Variants in CSRNP2 observed in about 807,000 individuals in gnomAD.
The protein encoded by CSRNP2 is cysteine/serine-rich nuclear protein 2.
CSRNP2 carries 11 observed loss-of-function variants against 36.6 expected under a neutral mutation model. The ratio of observed to expected loss-of-function variants is 0.30; its 90% CI spans 0.19 to 0.50. The LOEUF (loss-of-function observed/expected upper bound fraction) is 0.50. CSRNP2 is among the 20% of genes least tolerant of loss of function. CSRNP2 has a pLI of 0.98. For synonymous variants in CSRNP2, 248 were observed against 275.3 expected (o/e 0.90, Z 0.98); for missense variants, 483 against 691.4 (o/e 0.70, Z 3.38).
intron 1 of CSRNP2, among the ~76,000 whole-genome samples, chr12:51,080,142 AGGC>A (rs58627965): frequency 3.6e-4 from 1 of 2,776 alleles, no homozygotes; most frequent in Non-Finnish European, 4.5e-3. Context: ...GCAGGCAGGC[AGGC>A]AGGCAGGCAG....
intron 1 of CSRNP2, among the ~76,000 whole-genome samples, chr12:51,080,072 C>CAA (rs1173559322): frequency 0.46 from 25,369 of 55,002 alleles, 11,045 homozygotes; most frequent in Non-Finnish European, 0.58. Flanking sequence ...GACTCTGTCT[C>CAA]AAAAAAAAAA....
rs1184446843 is a variant in CSRNP2 at position 51,076,466 on chromosome 12, A to C, written c.96T>G (p.Ser32Arg). ...GGCTGTCGCAGCTGTCAGCACTATC[A>C]CTGCTGGAGATCTCATCATCTGAGT... ...VSNSDDEISS[S>R]DSADSCDSLN... Residue 32 changes from serine to arginine, a missense_variant, in exon 2 of 5, where the codon AGT becomes AGG. Ser to Arg is a moderately radical substitution (Grantham distance 110). Transcript: ENST00000228515. 12 of 1,613,872 alleles carry C rather than the reference A, an allele frequency of 7.4e-6. No homozygotes were observed. The highest frequency in any genetic ancestry group is 1.0e-5 in the Non-Finnish European group (12 of 1,179,986).
At position 51,083,519 on chromosome 12, in the gene CSRNP2, G is replaced by C. The variant is rs1374666610; in HGVS notation, c.-267C>G. The C allele has an allele frequency of 6.6e-6, 1 of 152,308 alleles. No homozygotes were observed. Among genetic ancestry groups the C allele is most frequent in the African/African-American group, 2.4e-5 (1 of 41,474 alleles). 9.4% of individuals were successfully genotyped at this position (152,308 alleles called of 1,614,324 possible). On this transcript the variant is annotated 5_prime_UTR_variant, in exon 1 of 5. Coordinates refer to ENST00000228515, the MANE Select transcript of CSRNP2 (RefSeq NM_030809.3). ...CGGTGGGCAGCCCAGCCGGCAGGCA[G>C]AGAGGGCCGGGCGTCTCCGGCAACT...
chr12:51,068,952 G>GA (rs1306373616), intron 3 of CSRNP2, among the ~76,000 whole-genome samples: 1 of 152,088 alleles, frequency 6.6e-6, no homozygotes. Context: ...CCTTGGCCGA[G>GA]AAAAAATGTA....
At position 51,064,581 on chromosome 12, in the gene CSRNP2, C is replaced by T; in HGVS notation, c.797G>A (p.Arg266Gln). Reference protein sequence around the residue: ...GRIEFNPIRVRTHYLHTIMKL... With the variant: ...GRIEFNPIRVQTHYLHTIMKL... The stretch of plus-strand genomic sequence containing the variant: ...CATAATGGTGTGGAGGTAATGAGTC[C>T]GGACCCGGATTGGATTAAATTCAAT... The change falls in exon 5 of 5, where the codon CGG becomes CAG. Residue 266 changes from arginine (R) to glutamine (Q), a missense_variant. Arg to Gln is a conservative substitution (Grantham distance 43, BLOSUM62 1). This residue lies in a region of CSRNP2 where 206 missense variants were observed against 367.8 expected (regional missense o/e 0.56). Transcript: ENST00000228515. The T allele has an allele frequency of 1.2e-6, 2 of 1,604,988 alleles. No homozygotes were observed. Among genetic ancestry groups the T allele is most frequent in the South Asian group, 1.1e-5 (1 of 90,278 alleles).
At chr12:51,066,269 A>G (rs577663541) in intron 4 of CSRNP2, among the ~76,000 whole-genome samples, 31 of 152,156 alleles carry the variant, frequency 2.0e-4, no homozygotes, top group Admixed American at 2.6e-4. Context: ...CCTGGCCTAC[A>G]TGGTGAAACG....
At chr12:51,076,195 C>T (rs1939391756) in intron 2 of CSRNP2, among the ~76,000 whole-genome samples, 1 of 152,152 alleles carries the variant, frequency 6.6e-6, no homozygotes, top group Non-Finnish European at 1.5e-5. Context: ...TCTAATTTAA[C>T]CCATTCTGGG....
At chr12:51,076,839 C>A in intron 1 of CSRNP2, 192 bp from the exon 2 acceptor site, 1 of 379,462 alleles carries the variant, frequency 2.6e-6, no homozygotes. Flanking sequence ...TATTCTCAAT[C>A]ACTCTTAGAA....
In CSRNP2 at chr12:51,064,063, C is replaced by A. The variant is rs555092432; in HGVS notation, c.1315G>T (p.Gly439Cys). Residue 439 changes from glycine to cysteine, a missense_variant, in exon 5 of 5, where the codon GGC becomes TGC. Physicochemically the swap from Gly to Cys is radical, Grantham distance 159. Around this residue, in one of 2 missense-constraint regions of CSRNP2, gnomAD observed 277 missense variants for 323.6 expected, o/e 0.86. Coordinates refer to ENST00000228515, the MANE Select transcript of CSRNP2 (RefSeq NM_030809.3). The part of the protein sequence containing the change: ...GVKGEPGTEE[G>C]SASFPKEKDL... The stretch of plus-strand genomic sequence containing the variant: ...TTCTCCTTTGGGAAAGAGGCTGAGC[C>A]TTCTTCCGTACCAGGCTCTCCTTTC... 2 of 1,614,208 alleles carry A rather than the reference C, an allele frequency of 1.2e-6. No homozygotes were observed. The highest frequency in any genetic ancestry group is 1.7e-5 in the Admixed American group (1 of 60,026).
At chr12:51,079,654 T>TC (rs1287019099) in intron 1 of CSRNP2, among the ~76,000 whole-genome samples, 2 of 149,282 alleles carry the variant, frequency 1.3e-5, no homozygotes, top group Non-Finnish European at 3.0e-5. Flanking sequence ...ATGCCTGTAA[T>TC]CCAGCTACTC....
Position 51,063,033 on chromosome 12 carries a change from AGGAT to A in CSRNP2, c.*709_*712del, listed in dbSNP as rs1403928935. 6.6e-6 allele frequency: 1 copy of A among 152,224 alleles called. No individual in the cohort carries two copies. The highest frequency in any genetic ancestry group is 6.5e-5 in the Admixed American group (1 of 15,280). 9.4% of individuals were successfully genotyped at this position (152,224 alleles called of 1,614,324 possible). On this transcript the variant is annotated 3_prime_UTR_variant, in exon 5 of 5. Transcript: ENST00000228515. ...ATCCAGCTCTTTCTCCGAAGGAAAA[AGGAT>A]GGAGAGAAAAAAGACACATAGACAA...
In CSRNP2 at chr12:51,064,072, T is replaced by C. The variant is rs1166407277; in HGVS notation, c.1306A>G (p.Thr436Ala). 1 of 1,614,070 alleles carries C rather than the reference T, an allele frequency of 6.2e-7. No individual in the cohort carries two copies. Among genetic ancestry groups the C allele is most frequent in the Non-Finnish European group, 8.5e-7 (1 of 1,180,004 alleles). Residue 436 changes from threonine (T) to alanine (A), a missense_variant, in exon 5 of 5, where the codon ACG becomes GCG. Around this residue, in one of 2 missense-constraint regions of CSRNP2, gnomAD observed 277 missense variants for 323.6 expected, o/e 0.86. Transcript: ENST00000228515. ...PVLGVKGEPG[T>A]EEGSASFPKE... The stretch of plus-strand genomic sequence containing the variant: ...GGGAAAGAGGCTGAGCCTTCTTCCG[T>C]ACCAGGCTCTCCTTTCACTCCCAAG...
intron 3 of CSRNP2, among the ~76,000 whole-genome samples, chr12:51,069,383 T>G (rs1938822168): frequency 6.8e-6 from 1 of 147,928 alleles, no homozygotes. Flanking sequence ...GCCTCCTGGG[T>G]TCAAGTGATT....
chr12:51,067,686 C>A lies in CSRNP2; in HGVS notation c.695G>T (p.Gly232Val). 1 of 1,613,472 alleles carries A rather than the reference C, an allele frequency of 6.2e-7. No homozygotes were observed. Residue 232 changes from glycine to valine, a missense_variant, in exon 4 of 5, where the codon GGG (glycine) becomes GTG (valine). Around this residue, in one of 2 missense-constraint regions of CSRNP2, gnomAD observed 206 missense variants for 367.8 expected, o/e 0.56. Transcript: ENST00000228515. The surrounding 1 kb of genome is among the most constrained non-coding windows in gnomAD (Gnocchi z 4.1). ...ACTTGGACTGACCTGGCATTTAATC[C>A]CAGCCTGGCTGCAGGCACACGCTTC... is the stretch of plus-strand genomic sequence containing the variant. The part of the protein sequence containing the change: ...DPEACACSQA[G>V]IKCQVDRMSF...
At chr12:51,069,448 A>T (rs1388790779) in intron 3 of CSRNP2, among the ~76,000 whole-genome samples, 1 of 147,874 alleles carries the variant, frequency 6.8e-6, no homozygotes, top group Non-Finnish European at 1.5e-5. Context: ...CACCATGCTC[A>T]GCTAATTTTT....
intron 4 of CSRNP2, among the ~76,000 whole-genome samples, chr12:51,066,212 T>A (rs1171335558): frequency 2.0e-5 from 3 of 151,940 alleles, no homozygotes. Context: ...CCCAGCACTT[T>A]GGGAGGCTGA....
At chr12:51,080,450 TCTC>T (rs1199573595) in intron 1 of CSRNP2, among the ~76,000 whole-genome samples, 1 of 152,210 alleles carries the variant, frequency 6.6e-6, no homozygotes, top group Non-Finnish European at 1.5e-5. Context: ...CTTGTTCTAT[TCTC>T]CTCTTTTTCT....
intron 3 of CSRNP2, 30 bp downstream of exon 3, chr12:51,073,793 A>G: frequency 1.3e-6 from 2 of 1,592,860 alleles, no homozygotes; most frequent in Non-Finnish European, 1.7e-6. Context: ...TCCTACATGG[A>G]CAGCAGTAGA....
At chr12:51,074,368 C>T (rs1283307756) in intron 2 of CSRNP2, among the ~76,000 whole-genome samples, 2 of 152,250 alleles carry the variant, frequency 1.3e-5, no homozygotes, top group Admixed American at 6.5e-5. Flanking sequence ...CCGCCCGCCC[C>T]GGCCTCCCAA....
Sources: gnomAD v4.1 joint callset for allele counts (sites outside exome capture counted in the v4.1 genomes callset) on GRCh38, gnomAD v4.1.1 for gene constraint, gnomAD v4.1.1 regional missense constraint, Gnocchi (gnomAD v3.1) non-coding constraint, MANE v1.5 for transcripts, NCBI Gene and HGNC (gene_info 2026-07-23, HGNC 2026-07-21) for gene names.